Variants in SNED1 observed in about 807,000 individuals in gnomAD.
SNED1 encodes sushi, nidogen and EGF like domains 1, also known as sushi, nidogen and EGF-like domain-containing protein 1.
SNED1 carries 81 observed loss-of-function variants against 166.7 expected under a neutral mutation model. That is an observed-to-expected ratio of 0.49 (90% confidence interval 0.41 to 0.58). SNED1 has a LOEUF of 0.58. SNED1 is among the 20% of genes least tolerant of loss of function. SNED1 has a pLI of 0.00. For missense variants in SNED1, 1,604 were observed against 2,000.2 expected (o/e 0.80, Z 3.78); for synonymous variants, 762 against 822.0 (o/e 0.93, Z 1.25).
chr2:241,002,010 A>G (rs1466362971), intron 1 of SNED1, among the ~76,000 whole-genome samples: 1 of 152,160 alleles, frequency 6.6e-6, no homozygotes, highest in Non-Finnish European at 1.5e-5. Flanking sequence ...GGCTCTGCAC[A>G]ACATTACCAT....
intron 1 of SNED1, among the ~76,000 whole-genome samples, chr2:241,003,775 G>T (rs1489837703): frequency 6.6e-6 from 1 of 152,232 alleles, no homozygotes; most frequent in Non-Finnish European, 1.5e-5. Flanking sequence ...GGGAAGACAG[G>T]TCAGTTTGTG....
chr2:241,058,215 A>C (rs956150408), intron 16 of SNED1, among the ~76,000 whole-genome samples: 4 of 152,228 alleles, frequency 2.6e-5, no homozygotes, highest in African/African-American at 9.6e-5. Context: ...TCTCAATGAT[A>C]ATTGGTTCCG....
intron 8 of SNED1, among the ~76,000 whole-genome samples, chr2:241,047,070 G>C (rs1435639252): frequency 6.6e-6 from 1 of 150,614 alleles, no homozygotes; most frequent in Non-Finnish European, 1.5e-5. Context: ...TTGAACCCCA[G>C]GGAGTTGGAG....
intron 1 of SNED1, among the ~76,000 whole-genome samples, chr2:241,002,657 C>T (rs547746289): frequency 1.8e-3 from 279 of 152,150 alleles, no homozygotes; most frequent in Non-Finnish European, 3.2e-3. Context: ...CTGGACCTCA[C>T]AGGCAGCCCC....
Position 240,999,786 on chromosome 2 carries a change from A to G in SNED1, c.213+736A>G, listed in dbSNP as rs1042204416. ...GCTCCCAGAGTGTGACCCCAGGCCA[A>G]GCCCTTATGGCAGCCCAGGGAATGA... On this transcript the variant is annotated intron_variant, in intron 1 of 31. Transcript: ENST00000310397. The surrounding 1 kb of genome is among the most constrained non-coding windows in gnomAD (Gnocchi z 5.8). Among the ~76,000 whole-genome samples, 2 of 152,194 alleles carry G rather than the reference A, an allele frequency of 1.3e-5. No homozygotes were observed. The highest frequency in any genetic ancestry group is 1.9e-4 in the East Asian group (1 of 5,188).
rs201385877 is a variant in SNED1 at position 241,063,662 on chromosome 2, G to A, written c.2447G>A (p.Arg816Gln). 3.7e-4 allele frequency: 598 copies of A among 1,612,100 alleles called. 2 individuals are homozygous for A. The highest frequency in any genetic ancestry group is 1.3e-3 in the Middle Eastern group (8 of 6,054). ...CRNLPGAYVC[R>Q]CPAGFVGVHC... Reference sequence around the variant, plus strand: ...AACCTCCCAGGGGCCTATGTCTGCCGGTGCCCTGCAGGCTTCGTTGGAGTC... The same window carrying A: ...AACCTCCCAGGGGCCTATGTCTGCCAGTGCCCTGCAGGCTTCGTTGGAGTC... The change falls in exon 18 of 32, where the codon CGG becomes CAG. Residue 816 changes from arginine to glutamine, a missense_variant. By Grantham distance (43) the Arg-to-Gln change is conservative. This residue lies in a region of SNED1 where 1,237 missense variants were observed against 1,620.8 expected (regional missense o/e 0.76). Coordinates refer to ENST00000310397, the MANE Select transcript of SNED1 (RefSeq NM_001080437.3).
rs1349411138 is a variant in SNED1 at position 241,051,931 on chromosome 2, C to T, written c.1852+71C>T. 1 of 1,469,236 alleles carries T rather than the reference C, an allele frequency of 6.8e-7. No individual in the cohort carries two copies. The highest frequency in any genetic ancestry group is 2.0e-5 in the Admixed American group (1 of 50,096). The allele number at this position is 1,469,236 out of a possible 1,614,324, so 91.0% of individuals were successfully genotyped here. On this transcript the variant is annotated intron_variant, in intron 13 of 31. Coordinates refer to ENST00000310397, the MANE Select transcript of SNED1 (RefSeq NM_001080437.3). This position sits in a 1 kb window ranked among gnomAD's most constrained non-coding sequence, Gnocchi z 4.7. ...CCCTGAGCTGGGGCCCCTGATGCAC[C>T]CTCCCTGCCAGCTGTGGGTCTGCTT...
At position 241,084,112 on chromosome 2, in the gene SNED1, C is replaced by T. The variant is rs560659599; in HGVS notation, c.4121+1748C>T. ...ACCCTTAATTACTATTGTACGAGTTCAATATGATGGCAGCGTCTAGGATTT... is the reference window on the plus strand; with the variant it reads ...ACCCTTAATTACTATTGTACGAGTTTAATATGATGGCAGCGTCTAGGATTT... On this transcript the variant is annotated intron_variant, in intron 29 of 31. Coordinates refer to ENST00000310397, the MANE Select transcript of SNED1 (RefSeq NM_001080437.3). 2.0e-5 allele frequency among the ~76,000 whole-genome samples: 3 copies of T among 148,222 alleles called. No homozygotes were observed. In the East Asian group the frequency reaches 6.0e-4, roughly 29 times the overall value.
At chr2:241,063,824 G>T (rs1173425602) in intron 18 of SNED1, 124 bp downstream of exon 18, 5 of 831,454 alleles carry the variant, frequency 6.0e-6, no homozygotes, top group Non-Finnish European at 9.4e-6. Context: ...CCCCAGGGCT[G>T]CGGCCACCTT....
chr2:241,025,757 AGTT>A (rs2060940671), intron 1 of SNED1, among the ~76,000 whole-genome samples: 1 of 152,006 alleles, frequency 6.6e-6, no homozygotes, highest in South Asian at 2.1e-4. Flanking sequence ...TTATGTTGGC[AGTT>A]GTTTTCTTTT....
chr2:240,997,834 G>A (rs2059961989), upstream of SNED1, among the ~76,000 whole-genome samples: 1 of 152,224 alleles, frequency 6.6e-6, no homozygotes, highest in South Asian at 2.1e-4. Context: ...TGGGGACATA[G>A]AGGTGGTCCC....
At chr2:241,044,473 A>G (rs2061597903) in intron 8 of SNED1, among the ~76,000 whole-genome samples, 1 of 152,192 alleles carries the variant, frequency 6.6e-6, no homozygotes. Context: ...CTGAAAAGTA[A>G]ATAGTAGCAG....
intron 8 of SNED1, among the ~76,000 whole-genome samples, chr2:241,044,148 A>G (rs2061586391): frequency 6.6e-6 from 1 of 152,224 alleles, no homozygotes; most frequent in Non-Finnish European, 1.5e-5. Context: ...GGAAAAAAAG[A>G]AAGAAGTGGG....
intron 1 of SNED1, among the ~76,000 whole-genome samples, chr2:241,000,395 C>T (rs1389923768): frequency 6.6e-6 from 1 of 152,216 alleles, no homozygotes; most frequent in Non-Finnish European, 1.5e-5. Flanking sequence ...CCTGAAAGTC[C>T]CTCTGGACCG....
chr2:241,048,625 C>T (rs2125085588), intron 9 of SNED1, 37 bp from the exon 10 acceptor site: 2 of 1,561,802 alleles, frequency 1.3e-6, no homozygotes, highest in Middle Eastern at 1.7e-4. Flanking sequence ...TCTTTCTGCG[C>T]CCCCACATGG....
At chr2:241,017,040 G>A (rs548606626) in intron 1 of SNED1, among the ~76,000 whole-genome samples, 15 of 151,924 alleles carry the variant, frequency 9.9e-5, no homozygotes, top group Admixed American at 2.6e-4. Flanking sequence ...TAGTAGAGAC[G>A]GGGTTTCTCC....
chr2:241,079,470 T>C (rs1410351527), intron 27 of SNED1, among the ~76,000 whole-genome samples: 3 of 151,482 alleles, frequency 2.0e-5, no homozygotes, highest in Non-Finnish European at 4.4e-5. Context: ...GTCTTTTGTG[T>C]AGGAAAATGG....
intron 2 of SNED1, among the ~76,000 whole-genome samples, chr2:241,033,174 C>G (rs2061240463): frequency 6.6e-6 from 1 of 152,076 alleles, no homozygotes; most frequent in Non-Finnish European, 1.5e-5. Context: ...AAGGCAGGAC[C>G]CTGATCTGAT....
intron 6 of SNED1, among the ~76,000 whole-genome samples, chr2:241,039,781 A>G (rs1230900414): frequency 6.6e-6 from 1 of 152,260 alleles, no homozygotes; most frequent in African/African-American, 2.4e-5. Context: ...CCATCCCCCA[A>G]GAGTGGGAGT....
Sources: gnomAD v4.1 joint callset for allele counts (sites outside exome capture counted in the v4.1 genomes callset) on GRCh38, gnomAD v4.1.1 for gene constraint, gnomAD v4.1.1 regional missense constraint, Gnocchi (gnomAD v3.1) non-coding constraint, MANE v1.5 for transcripts, NCBI Gene and HGNC (gene_info 2026-07-23, HGNC 2026-07-21) for gene names.